Variants in GREB1L observed in about 807,000 individuals in gnomAD.
GREB1L encodes GREB1 like retinoic acid receptor coactivator, also known as GREB1-like protein.
Under a neutral mutation model 200.8 loss-of-function variants are expected in GREB1L, and 17 were observed. The observed-to-expected ratio is 0.08, with a 90% confidence interval of 0.06 to 0.13. GREB1L has a LOEUF of 0.13. GREB1L is among the 10% of genes least tolerant of loss of function. The pLI is 1.00. For missense variants in GREB1L, 1,657 were observed against 2,367.7 expected, an observed-to-expected ratio of 0.70 and a Z score of 6.23; for synonymous variants, 789 against 893.0, an observed-to-expected ratio of 0.88 and a Z score of 2.08.
At chr18:21,519,843 A>T (rs945709846) in intron 31 of GREB1L, among the ~76,000 whole-genome samples, 6 of 151,904 alleles carry the variant, frequency 3.9e-5, no homozygotes, top group East Asian at 1.9e-4. Context: ...CAACTATCTT[A>T]CTTACTTCTC....
At chr18:21,332,780 C>T (rs904106339) in intron 1 of GREB1L, among the ~76,000 whole-genome samples, 12 of 152,066 alleles carry the variant, frequency 7.9e-5, no homozygotes, top group Non-Finnish European at 1.3e-4. Flanking sequence ...TGGCCTACCA[C>T]TGTAAAAATT....
At chr18:21,277,015 G>A (rs1400839581) in intron 1 of GREB1L, among the ~76,000 whole-genome samples, 4 of 140,058 alleles carry the variant, frequency 2.9e-5, no homozygotes, top group Admixed American at 7.9e-5. Context: ...TGTAAGCTCC[G>A]CCTCCTGGGT....
intron 1 of GREB1L, among the ~76,000 whole-genome samples, chr18:21,290,722 G>A (rs2038434368): frequency 6.6e-6 from 1 of 151,832 alleles, no homozygotes; most frequent in Non-Finnish European, 1.5e-5. Context: ...TACTCAGGAA[G>A]CTGAGGCAGG....
intron 32 of GREB1L, among the ~76,000 whole-genome samples, chr18:21,522,017 G>C (rs1427937068): frequency 5.9e-4 from 12 of 20,486 alleles, no homozygotes; most frequent in Non-Finnish European, 1.3e-3. Flanking sequence ...AAAAAAAAAA[G>C]GTAAGACACA....
intron 4 of GREB1L, among the ~76,000 whole-genome samples, chr18:21,389,654 T>C (rs1410369523): frequency 6.6e-6 from 1 of 152,212 alleles, no homozygotes; most frequent in Non-Finnish European, 1.5e-5. Flanking sequence ...CTCTACTCTA[T>C]ACCTCTTTAG....
At chr18:21,473,764 A>T (rs937557851) in intron 16 of GREB1L, among the ~76,000 whole-genome samples, 2 of 152,066 alleles carry the variant, frequency 1.3e-5, no homozygotes, top group African/African-American at 4.8e-5. Flanking sequence ...GCTAATAAGG[A>T]CATACCCGAG....
rs192577079 is a variant in GREB1L, at chr18:21,497,534, C to T, written c.3391+836C>T. ...TGGCGGGCGCCTGTAGTCCCAGCTA[C>T]CCTGGAGGCTGAGGCAGGAGAATCA... On this transcript the variant is annotated intron_variant, in intron 21 of 32. Coordinates refer to ENST00000424526, the MANE Select transcript of GREB1L (RefSeq NM_001142966.3). Among the ~76,000 whole-genome samples the T allele has an allele frequency of 1.4e-4, 22 of 151,898 alleles. No homozygotes were observed. The East Asian group carries it at 3.7e-3, about 26-fold the overall frequency.
intron 1 of GREB1L, among the ~76,000 whole-genome samples, chr18:21,305,858 G>A (rs1370609124): frequency 1.3e-5 from 2 of 152,054 alleles, no homozygotes; most frequent in Non-Finnish European, 2.9e-5. Flanking sequence ...CCCAGCTAGG[G>A]GCTTTTATCT....
chr18:21,250,643 T>A (rs545170234), intron 1 of GREB1L, among the ~76,000 whole-genome samples: 3 of 152,240 alleles, frequency 2.0e-5, no homozygotes, highest in Non-Finnish European at 4.4e-5. Flanking sequence ...TCTGTATTTT[T>A]AAACCAATTT....
At chr18:21,252,158 T>C (rs2037716810) in intron 1 of GREB1L, among the ~76,000 whole-genome samples, 1 of 152,218 alleles carries the variant, frequency 6.6e-6, no homozygotes, top group Admixed American at 6.5e-5. Flanking sequence ...TAGTAAACTA[T>C]CACTTGATAC....
chr18:21,420,861 TA>T (rs1176127387), intron 7 of GREB1L, among the ~76,000 whole-genome samples: 1 of 152,166 alleles, frequency 6.6e-6, no homozygotes, highest in Non-Finnish European at 1.5e-5. Context: ...TTCTTTGTAA[TA>T]ACCCCAAACT....
At chr18:21,262,401 C>T (rs1197271233) in intron 1 of GREB1L, among the ~76,000 whole-genome samples, 2 of 152,060 alleles carry the variant, frequency 1.3e-5, no homozygotes, top group Non-Finnish European at 2.9e-5. Context: ...TATGGGGTTA[C>T]TTATGTGGTT....
rs1220305810 is a variant in GREB1L at position 21,457,676 on chromosome 18, C to CA, written c.2182+3120dup. 8.6e-5 allele frequency among the ~76,000 whole-genome samples: 13 copies of CA among 152,010 alleles called. No individual in the cohort carries two copies. The East Asian group carries it at 1.5e-3, about 18-fold the overall frequency. On this transcript the variant is annotated intron_variant, in intron 15 of 32. Transcript: ENST00000424526. ...TGAATGTATAGTCACATCATAATTACAAAAAAAGTATTTATTTTGATATTT... is the reference window on the plus strand; with the variant it reads ...TGAATGTATAGTCACATCATAATTACAAAAAAAAGTATTTATTTTGATATTT...
At chr18:21,348,790 T>G (rs1347607564) in intron 1 of GREB1L, among the ~76,000 whole-genome samples, 2 of 150,622 alleles carry the variant, frequency 1.3e-5, no homozygotes, top group South Asian at 4.2e-4. Flanking sequence ...AAAAAAAAAT[T>G]AAAAATCAGC....
At chr18:21,261,121 A>G (rs2037883435) in intron 1 of GREB1L, among the ~76,000 whole-genome samples, 1 of 152,026 alleles carries the variant, frequency 6.6e-6, no homozygotes, top group South Asian at 2.1e-4. Context: ...GCAGAAACAC[A>G]TTGACCTATG....
intron 1 of GREB1L, among the ~76,000 whole-genome samples, chr18:21,304,484 G>GTT (rs1296089176): frequency 6.6e-6 from 1 of 151,820 alleles, no homozygotes; most frequent in Non-Finnish European, 1.5e-5. Flanking sequence ...TTTCTCAAGT[G>GTT]TATGTTTTTA....
chr18:21,244,456 C>T (rs1210320363), intron 1 of GREB1L, among the ~76,000 whole-genome samples: 3 of 152,160 alleles, frequency 2.0e-5, no homozygotes, highest in African/African-American at 7.2e-5. Flanking sequence ...GGATTTGCCA[C>T]AAACCCGCCA....
At chr18:21,390,785 T>A (rs895605598) in intron 4 of GREB1L, among the ~76,000 whole-genome samples, 2 of 152,148 alleles carry the variant, frequency 1.3e-5, no homozygotes, top group Non-Finnish European at 2.9e-5. Context: ...TCCACCCGCC[T>A]TGGCCTCCCA....
Position 21,437,546 on chromosome 18 carries a change from T to C in GREB1L, c.833-1975T>C, listed in dbSNP as rs577517281. ...TGTGCCTCCTGATGGAAGTACTGTA[T>C]ACCACAGTACTTATAACTCTTGCCA... On this transcript the variant is annotated intron_variant, in intron 7 of 32. Transcript: ENST00000424526. 1.7e-4 allele frequency among the ~76,000 whole-genome samples: 26 copies of C among 152,076 alleles called. 1 individual carries two copies. In the South Asian group the frequency reaches 5.2e-3, roughly 30 times the overall value.
Sources: gnomAD v4.1 joint callset for allele counts (sites outside exome capture counted in the v4.1 genomes callset) on GRCh38, gnomAD v4.1.1 for gene constraint, MANE v1.5 for transcripts, NCBI Gene and HGNC (gene_info 2026-07-23, HGNC 2026-07-21) for gene names.